CALD1: variants seen among roughly 807,000 people sequenced by gnomAD.
The protein encoded by CALD1 is caldesmon.
Under a neutral mutation model 99.9 loss-of-function variants are expected in CALD1, and 33 were observed. That is an observed-to-expected ratio of 0.33 (90% CI 0.25 to 0.44). The LOEUF (loss-of-function observed/expected upper bound fraction) is 0.44. Among genes scored for constraint, CALD1 ranks in the 20% least tolerant of loss-of-function variants. The pLI is 1.00. For synonymous variants in CALD1, 310 were observed against 325.0 expected (o/e 0.95, Z 0.50); for missense variants, 861 against 962.1 (o/e 0.89, Z 1.39).
upstream of CALD1, among the ~76,000 whole-genome samples, chr7:134,776,392 T>A (rs1261040847): frequency 1.3e-5 from 2 of 152,188 alleles, no homozygotes; most frequent in African/African-American, 4.8e-5. Context: ...TCTTTTCTTT[T>A]TTCTACTTCT....
chr7:134,759,126 C>A (rs985107846), intron 1 of CALD1, among the ~76,000 whole-genome samples: 4 of 152,294 alleles, frequency 2.6e-5, no homozygotes, highest in Non-Finnish European at 1.5e-5. Context: ...TTATAAAGAG[C>A]TACTCAGAAC....
intron 1 of CALD1, among the ~76,000 whole-genome samples, chr7:134,806,146 C>T (rs769509911): frequency 6.6e-6 from 1 of 152,208 alleles, no homozygotes; most frequent in Non-Finnish European, 1.5e-5. Context: ...ACCTGCATTG[C>T]AGAGCCATCC....
At chr7:134,735,565 CTGTGTGTGTGTGTGTGTG>C in the CALD1 span, among the ~76,000 whole-genome samples, 25 of 121,336 alleles carry the variant, frequency 2.1e-4, no homozygotes, top group South Asian at 6.1e-4. Context: ...CCACTACCCT[CTGTGTGTGTGTGTGTGTG>C]TGTGTGTGTG....
intron 13 of CALD1, chr7:134,961,359 C>G: frequency 6.6e-6 from 1 of 152,160 alleles, no homozygotes; most frequent in Non-Finnish European, 1.5e-5. Context: ...TGAGCTTTCC[C>G]TGTTAAGTTT....
intron 1 of CALD1, among the ~76,000 whole-genome samples, chr7:134,811,256 G>C (rs904955715): frequency 1.2e-4 from 19 of 152,106 alleles, no homozygotes; most frequent in Non-Finnish European, 2.2e-4. Context: ...TTGAAGAAAG[G>C]GTTGTTTACT....
At chr7:134,727,667 A>G in the CALD1 span, among the ~76,000 whole-genome samples, 22 of 152,328 alleles carry the variant, frequency 1.4e-4, 1 homozygote, top group South Asian at 3.5e-3. Context: ...GACTTCCTTC[A>G]CATGCCGGCT....
intron 11 of CALD1, among the ~76,000 whole-genome samples, chr7:134,958,872 AATATATATATATAT>A (rs58837080): frequency 0.19 from 23,599 of 124,792 alleles, 2,621 homozygotes; most frequent in Admixed American, 0.35. Context: ...CTGGTATTTA[AATATATATATATAT>A]ATATATATAT....
At chr7:134,757,024 T>C (rs1157162354) in intron 1 of CALD1, among the ~76,000 whole-genome samples, 2 of 152,200 alleles carry the variant, frequency 1.3e-5, no homozygotes, top group African/African-American at 2.4e-5. Context: ...CTCTTGCTGT[T>C]TTAAGGCATA....
intron 1 of CALD1, among the ~76,000 whole-genome samples, chr7:134,752,720 G>C (rs1301508295): frequency 6.6e-6 from 1 of 152,110 alleles, no homozygotes; most frequent in African/African-American, 2.4e-5. Flanking sequence ...CACTTTTCAG[G>C]CTGGGCGCAG....
chr7:134,854,457 C>A (rs1412381878), intron 2 of CALD1, among the ~76,000 whole-genome samples: 2 of 152,180 alleles, frequency 1.3e-5, no homozygotes, highest in Admixed American at 1.3e-4. Flanking sequence ...GTCTCAGCCA[C>A]TCTTGATTGT....
intron 2 of CALD1, among the ~76,000 whole-genome samples, chr7:134,849,047 A>G (rs1426660697): frequency 2.0e-5 from 3 of 152,170 alleles, no homozygotes; most frequent in African/African-American, 4.8e-5. Flanking sequence ...ATTAAATGCA[A>G]TGGAAAATTT....
chr7:134,935,459 A>G (rs1805889664), intron 5 of CALD1, among the ~76,000 whole-genome samples: 1 of 152,160 alleles, frequency 6.6e-6, no homozygotes, highest in Non-Finnish European at 1.5e-5. Flanking sequence ...GGAGTGCCAC[A>G]TCATGCTAGA....
chr7:134,719,279 G>T, the CALD1 span, among the ~76,000 whole-genome samples: 1 of 151,820 alleles, frequency 6.6e-6, no homozygotes, highest in East Asian at 1.9e-4. Context: ...AAATAAGGAA[G>T]AAAAAAATAG....
intron 3 of CALD1, among the ~76,000 whole-genome samples, chr7:134,889,068 G>A (rs980443584): frequency 5.9e-5 from 9 of 152,216 alleles, no homozygotes; most frequent in African/African-American, 2.2e-4. Flanking sequence ...GGGGGGCTGG[G>A]GAGGAGGGAA....
chr7:134,952,595 C>T (rs781076951), intron 9 of CALD1, among the ~76,000 whole-genome samples: 5 of 151,706 alleles, frequency 3.3e-5, no homozygotes, highest in Non-Finnish European at 7.4e-5. Flanking sequence ...CTCAGCCTCT[C>T]GAGTAGCTGG....
chr7:134,895,298 ATGTGTGTGTGTGTGTGTGTGTG>A (rs71172482), intron 3 of CALD1, among the ~76,000 whole-genome samples: 51 of 138,720 alleles, frequency 3.7e-4, no homozygotes, highest in African/African-American at 1.2e-3. Context: ...TTATATATGT[ATGTGTGTGTGTGTGTGTGTGTG>A]TGTGTGTGTG....
intron 1 of CALD1, among the ~76,000 whole-genome samples, chr7:134,748,119 T>C (rs1410695268): frequency 1.3e-5 from 2 of 152,260 alleles, no homozygotes; most frequent in Admixed American, 6.5e-5. Context: ...CCAAAAAGAT[T>C]ATGCTTGAGC....
chr7:134,936,427 T>A (rs1278766048), intron 6 of CALD1, among the ~76,000 whole-genome samples: 2 of 152,208 alleles, frequency 1.3e-5, no homozygotes, highest in Non-Finnish European at 2.9e-5. Flanking sequence ...TTGATTGCAC[T>A]TCAACTCTCA....
intron 3 of CALD1, among the ~76,000 whole-genome samples, chr7:134,913,375 A>C (rs1185400717): frequency 2.0e-5 from 3 of 152,250 alleles, no homozygotes; most frequent in Non-Finnish European, 4.4e-5. Flanking sequence ...CATTCAGCCA[A>C]GATGTTTCAA....
Sources: gnomAD v4.1 joint callset for allele counts (sites outside exome capture counted in the v4.1 genomes callset) on GRCh38, gnomAD v4.1.1 for gene constraint, MANE v1.5 for transcripts, NCBI Gene and HGNC (gene_info 2026-07-23, HGNC 2026-07-21) for gene names.